The following CSMD1 variants were observed in gnomAD, a reference collection of about 807,000 sequenced individuals.
The protein encoded by CSMD1 is CUB and Sushi multiple domains 1.
In CSMD1, 213 loss-of-function variants were observed where a neutral mutation model predicts 417.5. The ratio of observed to expected loss-of-function variants is 0.51; its 90% CI spans 0.46 to 0.57. The LOEUF is 0.57. Among genes scored for constraint, CSMD1 ranks in the 20% least tolerant of loss-of-function variants. The pLI is 0.00. For missense variants in CSMD1, 6,923 were observed against 4,529.7 expected, an observed-to-expected ratio of 1.53 and a Z score of -15.17; for synonymous variants, 2,862 against 1,736.8, an observed-to-expected ratio of 1.65 and a Z score of -16.11.
At chr8:3,233,343 A>G (rs2116924213) in intron 26 of CSMD1, among the ~76,000 whole-genome samples, 1 of 152,338 alleles carries the variant, frequency 6.6e-6, no homozygotes, top group East Asian at 1.9e-4. Flanking sequence ...GCCCCTCGCC[A>G]GGCGATGCCT....
intron 67 of CSMD1, among the ~76,000 whole-genome samples, chr8:2,949,679 C>CAAA (rs58688576): frequency 6.6e-6 from 1 of 151,590 alleles, no homozygotes; most frequent in Admixed American, 6.6e-5. Flanking sequence ...TCTAAGGGAA[C>CAAA]ACAAACGTAT....
At chr8:4,889,189 A>T (rs1803944085) in intron 1 of CSMD1, among the ~76,000 whole-genome samples, 2 of 152,140 alleles carry the variant, frequency 1.3e-5, no homozygotes, top group Admixed American at 1.3e-4. Flanking sequence ...ACTGACAGAC[A>T]TGCCCCAACC....
chr8:4,700,583 C>G (rs948666432), intron 1 of CSMD1, among the ~76,000 whole-genome samples: 1 of 152,044 alleles, frequency 6.6e-6, no homozygotes, highest in African/African-American at 2.4e-5. Context: ...CTTAAGGTCT[C>G]AATTAGTGAA....
At chr8:4,903,886 G>C (rs961058899) in intron 1 of CSMD1, among the ~76,000 whole-genome samples, 1 of 152,166 alleles carries the variant, frequency 6.6e-6, no homozygotes, top group African/African-American at 2.4e-5. Flanking sequence ...TGCCTTCAAC[G>C]CCGATAATGC....
intron 3 of CSMD1, among the ~76,000 whole-genome samples, chr8:4,106,284 G>C (rs939286970): frequency 6.6e-6 from 1 of 152,104 alleles, no homozygotes; most frequent in Non-Finnish European, 1.5e-5. Flanking sequence ...TGTTTCTGTG[G>C]GTGGGAAAAT....
intron 1 of CSMD1, among the ~76,000 whole-genome samples, chr8:4,785,035 G>C (rs1050027609): frequency 2.8e-4 from 43 of 152,222 alleles, no homozygotes; most frequent in Admixed American, 2.8e-3. Flanking sequence ...TCTGGGCACT[G>C]AATTATTAGA....
intron 12 of CSMD1, among the ~76,000 whole-genome samples, chr8:3,411,588 C>A (rs1002348055): frequency 2.0e-5 from 3 of 151,038 alleles, no homozygotes; most frequent in Non-Finnish European, 2.9e-5. Flanking sequence ...ATAATAGTCT[C>A]CAATCTCATC....
chr8:3,069,483 A>C (rs548347537), intron 49 of CSMD1, among the ~76,000 whole-genome samples: 3 of 152,212 alleles, frequency 2.0e-5, no homozygotes, highest in African/African-American at 7.2e-5. Flanking sequence ...GCCCCATTCA[A>C]GTTTGACACC....
At chr8:3,069,585 G>C (rs11997544) in intron 49 of CSMD1, among the ~76,000 whole-genome samples, 65,860 of 152,084 alleles carry the variant, frequency 0.43, 15,005 homozygotes, top group Non-Finnish European at 0.49. Context: ...GGGTGGTTTC[G>C]CAAGGCCTTG....
chr8:4,337,971 T>C (rs1800267433), intron 3 of CSMD1, among the ~76,000 whole-genome samples: 1 of 152,166 alleles, frequency 6.6e-6, no homozygotes, highest in Admixed American at 6.6e-5. Flanking sequence ...ATATCAGTTT[T>C]GTCAACTGTA....
chr8:3,802,344 C>T (rs1429362381), intron 5 of CSMD1, among the ~76,000 whole-genome samples: 1 of 152,140 alleles, frequency 6.6e-6, no homozygotes, highest in East Asian at 1.9e-4. Context: ...TGTTATACAT[C>T]TGTATATGTG....
chr8:4,114,906 A>G (rs1039150682), intron 3 of CSMD1, among the ~76,000 whole-genome samples: 2 of 152,210 alleles, frequency 1.3e-5, no homozygotes, highest in Non-Finnish European at 2.9e-5. Context: ...TCCAGATAAG[A>G]TAGGAAAATA....
At chr8:4,373,656 T>G (rs1563106422) in intron 3 of CSMD1, among the ~76,000 whole-genome samples, 1 of 152,256 alleles carries the variant, frequency 6.6e-6, no homozygotes, top group South Asian at 2.1e-4. Context: ...ATGGAAGTTA[T>G]GATAGTTTAA....
intron 1 of CSMD1, among the ~76,000 whole-genome samples, chr8:4,836,470 G>T (rs1400436598): frequency 6.6e-6 from 1 of 152,148 alleles, no homozygotes; most frequent in Non-Finnish European, 1.5e-5. Flanking sequence ...CCATAGGACT[G>T]GCGCTCTTGA....
At chr8:4,332,536 C>G (rs565062108) in intron 3 of CSMD1, among the ~76,000 whole-genome samples, 12 of 148,756 alleles carry the variant, frequency 8.1e-5, no homozygotes, top group Non-Finnish European at 1.6e-4. Flanking sequence ...TAATACCCTT[C>G]TGTCATGATA....
rs144609271 is a variant in CSMD1 at position 3,768,777 on chromosome 8, G to C, written c.819-14735C>G. Among the ~76,000 whole-genome samples, 11 of 152,284 alleles carry C rather than the reference G, an allele frequency of 7.2e-5. 1 individual carries two copies. The highest frequency in any genetic ancestry group is 2.4e-4 in the African/African-American group (10 of 41,560). On this transcript the variant is annotated intron_variant, in intron 5 of 69. Transcript: ENST00000635120. ...CATTATTGACACACTCTCAGAAATC[G>C]TAAGGCTTGTCCTAAGTTTTGCTGG... is the stretch of plus-strand genomic sequence containing the variant.
At chr8:4,489,601 C>T (rs980470234) in intron 2 of CSMD1, among the ~76,000 whole-genome samples, 6 of 152,112 alleles carry the variant, frequency 3.9e-5, no homozygotes, top group Non-Finnish European at 8.8e-5. Context: ...CATACCTTCT[C>T]TTTAGTGTGG....
At chr8:4,949,214 G>C (rs995226717) in intron 1 of CSMD1, among the ~76,000 whole-genome samples, 3 of 152,026 alleles carry the variant, frequency 2.0e-5, no homozygotes, top group African/African-American at 7.2e-5. Context: ...CATTTGGTTT[G>C]TCTATAATTT....
chr8:4,019,284 C>A (rs921935162), intron 4 of CSMD1, among the ~76,000 whole-genome samples: 7 of 152,204 alleles, frequency 4.6e-5, no homozygotes, highest in South Asian at 4.2e-4. Context: ...AGATTCAGGG[C>A]GAGAGAGCTT....
Sources: allele counts gnomAD v4.1 joint callset (sites outside exome capture counted in the v4.1 genomes callset), GRCh38; gene constraint gnomAD v4.1.1; transcripts MANE v1.5; gene names NCBI Gene and HGNC (gene_info 2026-07-23, HGNC 2026-07-21).